Variants in FBXL17 observed in about 807,000 individuals in gnomAD.
FBXL17 encodes the protein F-box/LRR-repeat protein 17.
In FBXL17, 22 loss-of-function variants were observed where a neutral mutation model predicts 66.2. The ratio of observed to expected loss-of-function variants is 0.33; its 90% CI spans 0.24 to 0.47. The LOEUF (loss-of-function observed/expected upper bound fraction) is 0.47. FBXL17 is among the 20% of genes least tolerant of loss of function. FBXL17 has a pLI of 1.00. For missense variants in FBXL17, 878 were observed against 948.2 expected (o/e 0.93, Z 0.97); for synonymous variants, 474 against 400.5 (o/e 1.18, Z -2.19).
At chr5:108,184,760 A>C (rs1441870919) in intron 6 of FBXL17, among the ~76,000 whole-genome samples, 2 of 151,618 alleles carry the variant, frequency 1.3e-5, no homozygotes, top group Non-Finnish European at 2.9e-5. Flanking sequence ...AAAAAAAAAA[A>C]AAAAAAAAGA....
intron 2 of FBXL17, among the ~76,000 whole-genome samples, chr5:108,367,036 T>C (rs2112582074): frequency 6.6e-6 from 1 of 152,220 alleles, no homozygotes; most frequent in African/African-American, 2.4e-5. Context: ...TTGGCAAATA[T>C]TACAAATCAG....
At position 107,935,411 on chromosome 5, in the gene FBXL17, A is replaced by ATGTGTG. The variant is rs55942635; in HGVS notation, c.1823-54238_1823-54233dup. 8.1e-3 allele frequency among the ~76,000 whole-genome samples: 1,215 copies of ATGTGTG among 150,028 alleles called. 17 individuals are homozygous for ATGTGTG. The highest frequency in any genetic ancestry group is 0.028 in the African/African-American group (1,151 of 40,776). ...GAGGCATCTCTCTTTATATATATAT[A>ATGTGTG]TGTGTGTGTGTGTGTGTGTATGTGT... On this transcript the variant is annotated intron_variant, in intron 7 of 8. Transcript: ENST00000542267.
intron 6 of FBXL17, among the ~76,000 whole-genome samples, chr5:108,120,017 C>G (rs544636059): frequency 6.6e-6 from 1 of 152,306 alleles, no homozygotes; most frequent in South Asian, 2.1e-4. Flanking sequence ...CACTTGTGCT[C>G]TTTGTGTTGG....
intron 7 of FBXL17, among the ~76,000 whole-genome samples, chr5:107,909,999 AG>A (rs1749895518): frequency 6.6e-6 from 1 of 152,130 alleles, no homozygotes; most frequent in African/African-American, 2.4e-5. Flanking sequence ...AGAAAAGTAA[AG>A]TCACTAAATT....
At chr5:108,015,883 A>T (rs1007409978) in intron 7 of FBXL17, among the ~76,000 whole-genome samples, 1 of 152,136 alleles carries the variant, frequency 6.6e-6, no homozygotes, top group African/African-American at 2.4e-5. Context: ...TAATGTCACC[A>T]GGCCACTCCC....
At chr5:108,054,398 G>A (rs1256269913) in intron 6 of FBXL17, among the ~76,000 whole-genome samples, 1 of 152,082 alleles carries the variant, frequency 6.6e-6, no homozygotes, top group East Asian at 1.9e-4. Flanking sequence ...CATTACTGCT[G>A]GGCAGTGGTG....
At chr5:108,362,157 C>CT (rs1207843621) in intron 3 of FBXL17, among the ~76,000 whole-genome samples, 2 of 152,142 alleles carry the variant, frequency 1.3e-5, no homozygotes, top group African/African-American at 2.4e-5. Flanking sequence ...TGATAGTACT[C>CT]TAAGTAGTTA....
intron 6 of FBXL17, among the ~76,000 whole-genome samples, chr5:108,185,199 A>C (rs1240275822): frequency 6.6e-6 from 1 of 152,158 alleles, no homozygotes; most frequent in Non-Finnish European, 1.5e-5. Flanking sequence ...CTGAGAAAAA[A>C]ATGTCATCCT....
At chr5:108,310,157 A>C (rs1759048140) in intron 4 of FBXL17, among the ~76,000 whole-genome samples, 1 of 152,134 alleles carries the variant, frequency 6.6e-6, no homozygotes, top group Non-Finnish European at 1.5e-5. Context: ...TTTCTGGCAT[A>C]ATATTTCCTA....
intron 4 of FBXL17, among the ~76,000 whole-genome samples, chr5:108,232,291 C>T (rs1235062888): frequency 1.3e-5 from 2 of 152,044 alleles, no homozygotes; most frequent in Non-Finnish European, 2.9e-5. Flanking sequence ...TCCAGTTGTA[C>T]AAAGGATAGT....
At chr5:108,091,113 C>A (rs1749172025) in intron 6 of FBXL17, among the ~76,000 whole-genome samples, 1 of 152,132 alleles carries the variant, frequency 6.6e-6, no homozygotes, top group South Asian at 2.1e-4. Context: ...TAAAACGAAA[C>A]AAAACCTTAC....
At position 108,348,388 on chromosome 5, in the gene FBXL17, C is replaced by A; in HGVS notation, c.1506+11G>T. ...AAAATGAACAATACAAGGATGATAA[C>A]AAGTACTTACTAATTTGTTTTCCTG... On this transcript the variant is annotated intron_variant, in intron 4 of 8. Coordinates refer to ENST00000542267, the MANE Select transcript of FBXL17 (RefSeq NM_001163315.3). 1 of 1,608,920 alleles carries A rather than the reference C, an allele frequency of 6.2e-7. No individual in the cohort carries two copies.
chr5:108,278,714 G>A (rs1000895189), intron 4 of FBXL17, among the ~76,000 whole-genome samples: 6 of 152,202 alleles, frequency 3.9e-5, no homozygotes, highest in East Asian at 3.9e-4. Context: ...TTGGCCACTA[G>A]GTTTGACCCC....
At position 108,179,667 on chromosome 5, in the gene FBXL17, TGCA is replaced by T. The variant is rs1752927462; in HGVS notation, c.1745+6447_1745+6449del. Reference sequence around the variant, plus strand: ...ACTCTGTTTGAACACTAACAAAGAGTGCATTCTCTATTTTGGAAGGCAGACAAT... The same window carrying T: ...ACTCTGTTTGAACACTAACAAAGAGTTTCTCTATTTTGGAAGGCAGACAAT... On this transcript the variant is annotated intron_variant, in intron 6 of 8. Coordinates refer to ENST00000542267, the MANE Select transcript of FBXL17 (RefSeq NM_001163315.3). Among the ~76,000 whole-genome samples, 6 of 152,186 alleles carry T rather than the reference TGCA, an allele frequency of 3.9e-5. No homozygotes were observed. The South Asian group carries it at 1.2e-3, about 32-fold the overall frequency.
chr5:108,194,533 G>A (rs889780374), intron 5 of FBXL17, among the ~76,000 whole-genome samples: 1 of 152,134 alleles, frequency 6.6e-6, no homozygotes, highest in Non-Finnish European at 1.5e-5. Flanking sequence ...ACTTAGGAAT[G>A]CCCTCTTTGA....
chr5:108,239,426 C>G (rs935034775), intron 4 of FBXL17, among the ~76,000 whole-genome samples: 1 of 152,168 alleles, frequency 6.6e-6, no homozygotes. Flanking sequence ...ACTCTGTGAC[C>G]TTGCATTGGA....
chr5:107,890,040 AT>A (rs1172262817), intron 7 of FBXL17, among the ~76,000 whole-genome samples: 1 of 152,212 alleles, frequency 6.6e-6, no homozygotes, highest in Non-Finnish European at 1.5e-5. Flanking sequence ...AAAATTAAAG[AT>A]GAGGAAGAAA....
chr5:108,198,177 C>T (rs1421421241), intron 5 of FBXL17, among the ~76,000 whole-genome samples: 2 of 152,086 alleles, frequency 1.3e-5, no homozygotes, highest in Non-Finnish European at 2.9e-5. Context: ...CTGCATAGAC[C>T]TAGAACACTC....
intron 7 of FBXL17, among the ~76,000 whole-genome samples, chr5:107,903,154 G>T (rs1749632146): frequency 1.3e-5 from 2 of 152,010 alleles, no homozygotes; most frequent in South Asian, 4.1e-4. Context: ...CATAACTCTG[G>T]AAAATATTTG....
Sources: gnomAD v4.1 joint callset for allele counts (sites outside exome capture counted in the v4.1 genomes callset) on GRCh38, gnomAD v4.1.1 for gene constraint, MANE v1.5 for transcripts, NCBI Gene and HGNC (gene_info 2026-07-23, HGNC 2026-07-21) for gene names.